The following COBL variants were observed in gnomAD, a reference collection of about 807,000 sequenced individuals.
COBL encodes protein cordon-bleu.
Under a neutral mutation model 98.8 loss-of-function variants are expected in COBL, and 51 were observed. The observed-to-expected ratio is 0.52, with a 90% CI of 0.41 to 0.65. The LOEUF (loss-of-function observed/expected upper bound fraction) is 0.65. Ranked by LOEUF, COBL falls within the 30% of genes least tolerant of loss-of-function variation. The pLI is 0.00. For synonymous variants in COBL, 634 were observed against 651.7 expected (o/e 0.97, Z 0.41); for missense variants, 1,617 against 1,617.5 (o/e 1.00, Z 0.01).
intron 5 of COBL, among the ~76,000 whole-genome samples, chr7:51,137,700 A>G (rs1799371827): frequency 6.6e-6 from 1 of 152,182 alleles, no homozygotes; most frequent in African/African-American, 2.4e-5. Flanking sequence ...TGTGAACTCA[A>G]TGAAGACAGT....
At chr7:51,060,666 C>T (rs184463924) in intron 7 of COBL, among the ~76,000 whole-genome samples, 1 of 152,276 alleles carries the variant, frequency 6.6e-6, no homozygotes, top group African/African-American at 2.4e-5. Flanking sequence ...CCATCATTAT[C>T]CCTAGTGACC....
At chr7:51,300,403 T>C (rs1358477794) in intron 1 of COBL, among the ~76,000 whole-genome samples, 5 of 152,170 alleles carry the variant, frequency 3.3e-5, no homozygotes, top group Non-Finnish European at 7.4e-5. Flanking sequence ...TCAGGTGATC[T>C]GCCTGCCTTA....
At chr7:51,218,297 G>A (rs1273960991) in intron 2 of COBL, among the ~76,000 whole-genome samples, 2 of 152,220 alleles carry the variant, frequency 1.3e-5, no homozygotes, top group Non-Finnish European at 2.9e-5. Flanking sequence ...TAACAAAATA[G>A]TTGCAAAGGA....
At chr7:51,300,926 G>C (rs1240568117) in intron 1 of COBL, among the ~76,000 whole-genome samples, 1 of 152,212 alleles carries the variant, frequency 6.6e-6, no homozygotes. Context: ...GCATGTGACT[G>C]GGTCAGGAGT....
chr7:51,234,202 TAG>T (rs1795023024), intron 1 of COBL, among the ~76,000 whole-genome samples: 1 of 152,170 alleles, frequency 6.6e-6, no homozygotes, highest in South Asian at 2.1e-4. Flanking sequence ...TCTCTCAAAA[TAG>T]AGACTGGGCC....
rs1796359820 is a variant in COBL at position 51,247,537 on chromosome 7, C to A, written c.42-27593G>T. 2.6e-5 allele frequency among the ~76,000 whole-genome samples: 4 copies of A among 152,250 alleles called. 1 individual carries two copies. In the South Asian group the frequency reaches 8.3e-4, roughly 32 times the overall value. On this transcript the variant is annotated intron_variant, in intron 1 of 12. Coordinates refer to ENST00000265136, the MANE Select transcript of COBL (RefSeq NM_015198.5). Reference sequence around the variant, plus strand: ...TTATTTTTCTTTTGAAGAAAGTATACAAAGGTGGACACTGGACAGGTAGGG... The same window carrying A: ...TTATTTTTCTTTTGAAGAAAGTATAAAAAGGTGGACACTGGACAGGTAGGG...
At chr7:51,143,953 T>C (rs1784792189) in intron 5 of COBL, among the ~76,000 whole-genome samples, 1 of 152,198 alleles carries the variant, frequency 6.6e-6, no homozygotes, top group African/African-American at 2.4e-5. Context: ...TCACTACCTA[T>C]ATGTAGCATG....
At chr7:51,206,395 G>C (rs1791708632) in intron 2 of COBL, among the ~76,000 whole-genome samples, 1 of 151,510 alleles carries the variant, frequency 6.6e-6, no homozygotes, top group Non-Finnish European at 1.5e-5. Context: ...GGAAGGCTGA[G>C]GCAGGAGAAT....
chr7:51,140,441 G>C (rs987267177), intron 5 of COBL, among the ~76,000 whole-genome samples: 1 of 152,212 alleles, frequency 6.6e-6, no homozygotes, highest in Non-Finnish European at 1.5e-5. Flanking sequence ...CCAGATCTGA[G>C]TGCCAGCTCA....
At chr7:51,268,093 C>T (rs10271300) in intron 1 of COBL, among the ~76,000 whole-genome samples, 3,144 of 152,150 alleles carry the variant, frequency 0.021, 105 homozygotes, top group African/African-American at 0.07. Context: ...GCCCTGCAGG[C>T]GCTGTGTCCG....
intron 1 of COBL, among the ~76,000 whole-genome samples, chr7:51,266,773 T>G (rs1178801844): frequency 6.6e-6 from 1 of 152,092 alleles, no homozygotes; most frequent in Non-Finnish European, 1.5e-5. Flanking sequence ...TTTCCACATG[T>G]TTTTTGAGTG....
intron 5 of COBL, among the ~76,000 whole-genome samples, chr7:51,167,651 G>A: frequency 6.6e-6 from 1 of 151,892 alleles, no homozygotes; most frequent in East Asian, 1.9e-4. Flanking sequence ...CAAAACTGAA[G>A]GAATCACATT....
intron 1 of COBL, among the ~76,000 whole-genome samples, chr7:51,273,987 G>A (rs1799041108): frequency 6.6e-6 from 1 of 152,094 alleles, no homozygotes; most frequent in Admixed American, 6.6e-5. Context: ...ATCTTCTTCA[G>A]TCATCTGTTC....
chr7:51,042,756 C>T (rs1479589635), intron 8 of COBL, among the ~76,000 whole-genome samples: 1 of 152,310 alleles, frequency 6.6e-6, no homozygotes, highest in Non-Finnish European at 1.5e-5. Context: ...ACAAGATGCT[C>T]ATCCTTCCTA....
intron 2 of COBL, among the ~76,000 whole-genome samples, chr7:51,208,086 C>T (rs1295583962): frequency 1.3e-5 from 2 of 151,482 alleles, no homozygotes; most frequent in Non-Finnish European, 2.9e-5. Flanking sequence ...CCCGCCGCCC[C>T]GTCTGGAATG....
At chr7:51,184,811 C>T (rs887892582) in intron 4 of COBL, among the ~76,000 whole-genome samples, 2 of 152,158 alleles carry the variant, frequency 1.3e-5, no homozygotes, top group African/African-American at 2.4e-5. Flanking sequence ...GTGCAATACA[C>T]CTGCTTTAAG....
intron 7 of COBL, among the ~76,000 whole-genome samples, chr7:51,074,247 G>A (rs562012315): frequency 6.6e-5 from 9 of 136,730 alleles, no homozygotes; most frequent in African/African-American, 2.2e-4. Flanking sequence ...CCAGGCTAGA[G>A]TGCTGTGGCG....
chr7:51,124,032 C>T (rs963332723), intron 6 of COBL, among the ~76,000 whole-genome samples: 3 of 152,174 alleles, frequency 2.0e-5, no homozygotes, highest in Non-Finnish European at 4.4e-5. Context: ...CTTTGTAAAC[C>T]TCAGTGTCCT....
At chr7:51,238,159 A>T (rs1216047118) in intron 1 of COBL, among the ~76,000 whole-genome samples, 1 of 152,226 alleles carries the variant, frequency 6.6e-6, no homozygotes, top group Non-Finnish European at 1.5e-5. Flanking sequence ...GGCCGCCTCC[A>T]GGCCTTCCAC....
Sources: gnomAD v4.1 joint callset for allele counts (sites outside exome capture counted in the v4.1 genomes callset) on GRCh38, gnomAD v4.1.1 for gene constraint, MANE v1.5 for transcripts, NCBI Gene and HGNC (gene_info 2026-07-23, HGNC 2026-07-21) for gene names.